Variants in TBC1D9 observed in about 807,000 individuals in gnomAD.
The protein encoded by TBC1D9 is TBC1 domain family member 9, also known as TBC1 domain family member 9A.
Under a neutral mutation model 132.0 loss-of-function variants are expected in TBC1D9, and 63 were observed. The ratio of observed to expected loss-of-function variants is 0.48; its 90% CI spans 0.39 to 0.59. The LOEUF is 0.59. TBC1D9 is among the 20% of genes least tolerant of loss of function. The pLI, the probability that TBC1D9 is intolerant of heterozygous loss-of-function variation, is 0.00. For synonymous variants in TBC1D9, 610 were observed against 609.9 expected (o/e 1.00, Z 0.00); for missense variants, 1,261 against 1,592.7 (o/e 0.79, Z 3.54).
intron 7 of TBC1D9, 81 bp from the exon 8 acceptor site, chr4:140,669,885 C>T (rs1737509060): frequency 7.6e-7 from 1 of 1,318,268 alleles, no homozygotes; most frequent in Admixed American, 2.2e-5. Flanking sequence ...GTATGGTTAT[C>T]AAAAGCTACA....
At chr4:140,645,154 G>T in intron 13 of TBC1D9, 1 of 561,412 alleles carries the variant, frequency 1.8e-6, no homozygotes. Context: ...AGGTCAGCCA[G>T]CTCATTACTC....
chr4:140,701,537 G>A lies in TBC1D9; in HGVS notation c.208C>T (p.Pro70Ser), dbSNP rs755703786. The A allele has an allele frequency of 3.7e-6, 6 of 1,613,826 alleles. No homozygotes were observed. In the East Asian group the frequency reaches 1.3e-4, roughly 36 times the overall value. ...ATGGTCCAGTAGACCAGGGAGTCTG[G>A]AGTCTGGTACAAGATTCGGTAAGGA... ...VAPYRILYQTPDSLVYWTIAC... is the reference protein window; with the variant it reads ...VAPYRILYQTSDSLVYWTIAC... The change falls in exon 2 of 21, where the codon CCA becomes TCA. Residue 70 changes from proline to serine, a missense_variant. Pro to Ser is a moderately conservative substitution (Grantham distance 74, BLOSUM62 -1). Coordinates refer to ENST00000442267, the MANE Select transcript of TBC1D9 (RefSeq NM_015130.3).
chr4:140,674,505 T>C (rs148908631), intron 6 of TBC1D9, among the ~76,000 whole-genome samples: 127 of 152,194 alleles, frequency 8.3e-4, no homozygotes, highest in African/African-American at 2.8e-3. Context: ...CTTTACGGAA[T>C]AAACTGCAGG....
intron 1 of TBC1D9, among the ~76,000 whole-genome samples, chr4:140,704,963 A>C (rs1738128546): frequency 6.6e-6 from 1 of 152,246 alleles, no homozygotes; most frequent in African/African-American, 2.4e-5. Context: ...GCACAGGTAC[A>C]TGCTGAAATA....
rs550290345 is a variant in TBC1D9, at chr4:140,674,905, G to T, written c.1059+1989C>A. Among the ~76,000 whole-genome samples, 64 of 151,990 alleles carry T rather than the reference G, an allele frequency of 4.2e-4. 1 individual carries two copies. In the South Asian group the frequency reaches 0.012, roughly 30 times the overall value. ...TAATTTTTAATAGAGATGGGGCCTT[G>T]CTATGTTGCCTAGGCTGGTCTTTGA... On this transcript the variant is annotated intron_variant, in intron 6 of 20. Coordinates refer to ENST00000442267, the MANE Select transcript of TBC1D9 (RefSeq NM_015130.3).
intron 3 of TBC1D9, 131 bp downstream of exon 3, chr4:140,686,213 T>C (rs1274964892): frequency 6.8e-6 from 4 of 584,136 alleles, no homozygotes; most frequent in Non-Finnish European, 1.2e-5. Context: ...AGAAAGCAAA[T>C]GCAGTAAAAT....
chr4:140,659,685 T>G lies in TBC1D9; in HGVS notation c.1824A>C (p.Ser608=), dbSNP rs1275901886. 1 of 1,605,472 alleles carries G rather than the reference T, an allele frequency of 6.2e-7. No homozygotes were observed. Among genetic ancestry groups the G allele is most frequent in the African/African-American group, 1.3e-5 (1 of 74,934 alleles). ...GYCQAMNIVT[S]VLLLYAKEEE... ...CCTCTTTGGCATAAAGCAGCAGCAC[T>G]GAAGTGACAATATTCATGGCCTAAA... The change falls in exon 11 of 21, where the codon TCA becomes TCC. Residue 608 remains serine, a synonymous_variant. Transcript: ENST00000442267.
At chr4:140,718,563 A>C (rs1373279119) in intron 1 of TBC1D9, among the ~76,000 whole-genome samples, 1 of 152,204 alleles carries the variant, frequency 6.6e-6, no homozygotes, top group African/African-American at 2.4e-5. Context: ...TTCACAACGA[A>C]CAAGCCACAT....
Position 140,676,976 on chromosome 4 carries a change from C to G in TBC1D9, c.977G>C (p.Gly326Ala). 6.2e-7 allele frequency: 1 copy of G among 1,613,970 alleles called. No homozygotes were observed. The highest frequency in any genetic ancestry group is 1.1e-5 in the South Asian group (1 of 91,084). ...GTAATTTGTGGACACAAACATCTGC[C>G]CCAAAATGTGCATTTTGTTAAATGG... The part of the protein sequence containing the change: ...WTPFNKMHIL[G>A]QMFVSTNYIC... The change falls in exon 6 of 21, where the codon GGG (glycine) becomes GCG (alanine). Residue 326 changes from glycine (G) to alanine (A), a missense_variant. Physicochemically the swap from Gly to Ala is moderately conservative, Grantham distance 60 (BLOSUM62 0). Transcript: ENST00000442267.
chr4:140,713,019 T>C (rs1395236372), intron 1 of TBC1D9, among the ~76,000 whole-genome samples: 1 of 152,196 alleles, frequency 6.6e-6, no homozygotes, highest in Non-Finnish European at 1.5e-5. Flanking sequence ...AAGCTATATG[T>C]CTACATGTAA....
In TBC1D9 at chr4:140,657,802, C is replaced by T. The variant is rs200727610; in HGVS notation, c.1932G>A (p.Val644=). The part of the protein sequence containing the change: ...YYNTRVVGAL[V]DQGVFEELAR... ...CTAGCTCCTCAAAGACACCTTGGTC[C>T]ACCAGTGCACCTGTGGCAGCGATGT... Residue 644 remains valine (V), a synonymous_variant, in exon 12 of 21, where the codon GTG becomes GTA. Transcript: ENST00000442267. The T allele has an allele frequency of 1.9e-6, 3 of 1,611,734 alleles. No homozygotes were observed. Among genetic ancestry groups the T allele is most frequent in the East Asian group, 2.2e-5 (1 of 44,862 alleles).
chr4:140,695,366 T>A (rs770274899), intron 2 of TBC1D9, among the ~76,000 whole-genome samples: 2 of 152,142 alleles, frequency 1.3e-5, no homozygotes, highest in African/African-American at 2.4e-5. Flanking sequence ...TAGGACCAGA[T>A]GACATTCTGG....
chr4:140,707,279 G>T (rs781039534), intron 1 of TBC1D9, among the ~76,000 whole-genome samples: 54 of 152,056 alleles, frequency 3.6e-4, no homozygotes, highest in Non-Finnish European at 6.2e-4. Context: ...CCATTGTGGT[G>T]ACATTTGCTA....
chr4:140,693,973 T>C (rs770047820), intron 2 of TBC1D9, among the ~76,000 whole-genome samples: 4 of 152,228 alleles, frequency 2.6e-5, no homozygotes, highest in Non-Finnish European at 4.4e-5. Context: ...TTTTACTGGA[T>C]AGTGGGAACA....
In TBC1D9 at chr4:140,627,838, G is replaced by T. The variant is rs1196814102; in HGVS notation, c.2813-311C>A. Among the ~76,000 whole-genome samples, 6 of 152,258 alleles carry T rather than the reference G, an allele frequency of 3.9e-5. No homozygotes were observed. In the East Asian group the frequency reaches 7.7e-4, roughly 20 times the overall value. On this transcript the variant is annotated intron_variant, in intron 17 of 20. Transcript: ENST00000442267. ...TTTAGGAAACTGTACGCTATAAAGA[G>T]AATTCCCAAATCTAGTTTTATCCTA... is the stretch of plus-strand genomic sequence containing the variant.
chr4:140,670,454 A>C (rs938829577), intron 7 of TBC1D9: 10 of 430,676 alleles, frequency 2.3e-5, no homozygotes, highest in Non-Finnish European at 4.2e-5. Context: ...TATGGACCTG[A>C]GTCACTTGCT....
intron 2 of TBC1D9, among the ~76,000 whole-genome samples, chr4:140,699,495 C>T (rs1006267377): frequency 5.3e-5 from 8 of 152,068 alleles, no homozygotes; most frequent in Admixed American, 2.0e-4. Flanking sequence ...ACAAAATGGC[C>T]CTTTATCTCT....
rs945199480 is a variant in TBC1D9 at position 140,639,002 on chromosome 4, A to G, written c.2505+84T>C. 4 of 979,518 alleles carry G rather than the reference A, an allele frequency of 4.1e-6. No individual in the cohort carries two copies. The African/African-American group carries it at 6.6e-5, about 16-fold the overall frequency. The allele number at this position is 979,518 out of a possible 1,614,324, so 60.7% of individuals were successfully genotyped here. ...TCCTATTTATATTATCCCTTAATTT[A>G]ACAGAAAAATCAAGAACTAACTGAA... On this transcript the variant is annotated intron_variant, in intron 15 of 20. Transcript: ENST00000442267.
intron 1 of TBC1D9, among the ~76,000 whole-genome samples, chr4:140,710,184 C>A (rs2111047298): frequency 6.6e-6 from 1 of 152,202 alleles, no homozygotes; most frequent in Non-Finnish European, 1.5e-5. Context: ...ACATAAAACT[C>A]AACATATGTG....
Sources: allele counts gnomAD v4.1 joint callset (sites outside exome capture counted in the v4.1 genomes callset), GRCh38; gene constraint gnomAD v4.1.1; transcripts MANE v1.5; gene names NCBI Gene and HGNC (gene_info 2026-07-23, HGNC 2026-07-21).